TJP3: variants seen among roughly 807,000 people sequenced by gnomAD.
TJP3 encodes the protein tight junction protein 3.
A neutral mutation model predicts 104.2 loss-of-function variants in TJP3; 85 were observed. The ratio of observed to expected loss-of-function variants is 0.82; its 90% confidence interval spans 0.68 to 0.98. The LOEUF is 0.98. Ranked by LOEUF, TJP3 falls within the 50% of genes least tolerant of loss-of-function variation. The pLI is 0.00. For synonymous variants in TJP3, 550 were observed against 550.6 expected (o/e 1.00, Z 0.02); for missense variants, 1,367 against 1,322.8 (o/e 1.03, Z -0.52).
In TJP3 at chr19:3,747,724, G is replaced by A. The variant is rs984119329; in HGVS notation, c.2323-70G>A. 2.2e-5 allele frequency: 32 copies of A among 1,450,078 alleles called. No homozygotes were observed. In the Middle Eastern group the frequency reaches 7.6e-4, roughly 34 times the overall value. The allele number at this position is 1,450,078 out of a possible 1,614,324, so 89.8% of individuals were successfully genotyped here. A position where few individuals can be genotyped will look rare whatever the true frequency, so the allele number is the denominator to read the frequency against. On this transcript the variant is annotated intron_variant, in intron 18 of 20. Coordinates refer to ENST00000541714, the MANE Select transcript of TJP3 (RefSeq NM_001267560.2). ...TGATTTGGGACCAGAGTTTGAAGGT[G>A]GGGGGATGTCGTGGGTGGCAGCTGG...
At position 3,730,933 on chromosome 19, in the gene TJP3, G is replaced by A. The variant is rs1459625613; in HGVS notation, c.613+227G>A. 1.3e-5 allele frequency among the ~76,000 whole-genome samples: 2 copies of A among 152,094 alleles called. No homozygotes were observed. Among genetic ancestry groups the A allele is most frequent in the Non-Finnish European group, 2.9e-5 (2 of 68,012 alleles). ...TGACCTCAGGTGATTCACCCACCTC[G>A]GCCTCCCATAGTGCTTGCTGGGATT... On this transcript the variant is annotated intron_variant, in intron 5 of 20. Transcript: ENST00000541714. The surrounding 1 kb of genome is among the most constrained non-coding windows in gnomAD (Gnocchi z 7.3).
intron 19 of TJP3, among the ~76,000 whole-genome samples, chr19:3,748,460 C>T (rs777739999): frequency 1.2e-4 from 18 of 150,824 alleles, no homozygotes; most frequent in Non-Finnish European, 1.5e-4. Flanking sequence ...TTAGTAGAGA[C>T]GGGGTTTCAC....
At chr19:3,719,886 A>G (rs2036526704) in intron 1 of TJP3, among the ~76,000 whole-genome samples, 1 of 152,180 alleles carries the variant, frequency 6.6e-6, no homozygotes, top group Non-Finnish European at 1.5e-5. Flanking sequence ...TGATGGCCGC[A>G]AAAGGGAAGA....
intron 19 of TJP3, among the ~76,000 whole-genome samples, chr19:3,748,847 C>G (rs1480548829): frequency 8.6e-6 from 1 of 116,296 alleles, no homozygotes; most frequent in African/African-American, 3.3e-5. Context: ...CTGCACCCGG[C>G]CTTTTTTTTT....
chr19:3,716,796 TATATA>T (rs1476299077), intron 1 of TJP3, among the ~76,000 whole-genome samples: 2 of 66,156 alleles, frequency 3.0e-5, no homozygotes, highest in African/African-American at 4.9e-5. Flanking sequence ...TATATATATA[TATATA>T]TTTTTTTTTT....
At chr19:3,717,055 T>G (rs1172953368) in intron 1 of TJP3, among the ~76,000 whole-genome samples, 2 of 143,108 alleles carry the variant, frequency 1.4e-5, no homozygotes, top group African/African-American at 5.0e-5. Context: ...AACCTCCGCC[T>G]CCCGGGCTCA....
At position 3,747,897 on chromosome 19, in the gene TJP3, C is replaced by T. The variant is rs372401927; in HGVS notation, c.2426C>T (p.Thr809Met). The change falls in exon 19 of 21, where the codon ACG becomes ATG. Residue 809 changes from threonine (T) to methionine (M), a missense_variant. Transcript: ENST00000541714. Reference sequence around the variant, plus strand: ...AGCCGCGTTAACAGCGACTACGAGACGGACGGCGAGGGCGGCGCGTACACG... The same window carrying T: ...AGCCGCGTTAACAGCGACTACGAGATGGACGGCGAGGGCGGCGCGTACACG... Reference protein sequence around the residue: ...CDSRVNSDYETDGEGGAYTDG... With the variant: ...CDSRVNSDYEMDGEGGAYTDG... 2.1e-5 allele frequency: 34 copies of T among 1,613,120 alleles called. No homozygotes were observed. The highest frequency in any genetic ancestry group is 1.0e-4 in the Admixed American group (6 of 59,984).
Position 3,731,981 on chromosome 19 carries a change from A to G in TJP3, c.660A>G (p.Thr220=). The G allele has an allele frequency of 4.3e-6, 7 of 1,613,810 alleles. No homozygotes were observed. Among genetic ancestry groups the G allele is most frequent in the South Asian group, 1.1e-5 (1 of 91,018 alleles). The change falls in exon 6 of 21, where the codon ACA becomes ACG. Residue 220 remains threonine, a synonymous_variant. Coordinates refer to ENST00000541714, the MANE Select transcript of TJP3 (RefSeq NM_001267560.2). ...GTCAGATCTTCATCAAGCACATTAC[A>G]GATTCGGGCCTGGCTGCCCGGCACC... ...LGSQIFIKHI[T]DSGLAARHRG...
chr19:3,743,103 A>C (rs1388011172), intron 14 of TJP3, among the ~76,000 whole-genome samples: 1 of 152,000 alleles, frequency 6.6e-6, no homozygotes, highest in Non-Finnish European at 1.5e-5. Flanking sequence ...GTTTCTACTA[A>C]AAATACAAAA....
chr19:3,740,347 G>GT (rs2036796578), intron 13 of TJP3, among the ~76,000 whole-genome samples: 1 of 152,150 alleles, frequency 6.6e-6, no homozygotes, highest in Admixed American at 6.5e-5. Context: ...GGCAGAGGTT[G>GT]TAACGAGTCC....
Position 3,730,433 on chromosome 19 carries a change from G to A in TJP3, c.340G>A (p.Glu114Lys), listed in dbSNP as rs2036654118. The change falls in exon 5 of 21, where the codon GAA (glutamate) becomes AAA (lysine). Residue 114 changes from glutamate (E) to lysine (K), a missense_variant. By Grantham distance (56) the Glu-to-Lys change is moderately conservative. Transcript: ENST00000541714. The surrounding 1 kb of genome is among the most constrained non-coding windows in gnomAD (Gnocchi z 7.3). ...CAGCCCAGGGCGCCAGGACTCGGAT[G>A]AAGACGATGGGCCCCAGCGGGTGGA... ...PSSPGRQDSD[E>K]DDGPQRVEEV... 3 of 1,591,258 alleles carry A rather than the reference G, an allele frequency of 1.9e-6. No homozygotes were observed. Among genetic ancestry groups the A allele is most frequent in the East Asian group, 2.3e-5 (1 of 43,948 alleles).
intron 1 of TJP3, among the ~76,000 whole-genome samples, chr19:3,717,495 G>A (rs375690810): frequency 2.0e-4 from 30 of 151,328 alleles, no homozygotes; most frequent in African/African-American, 7.0e-4. Context: ...GAGTGCAGTG[G>A]CGTGATCTCA....
At chr19:3,745,131 G>GTTTTTTTTTTT (rs2036869010) in intron 15 of TJP3, among the ~76,000 whole-genome samples, 1 of 80,322 alleles carries the variant, frequency 1.2e-5, no homozygotes, top group African/African-American at 4.9e-5. Context: ...CAAATTTTAT[G>GTTTTTTTTTTT]TCTTTTTTTT....
intron 1 of TJP3, among the ~76,000 whole-genome samples, chr19:3,716,802 T>TA (rs1491300447): frequency 0.19 from 8,873 of 46,446 alleles, 389 homozygotes; most frequent in Middle Eastern, 0.27. Context: ...TATATATATA[T>TA]TTTTTTTTTT....
In TJP3 at chr19:3,735,891, T is replaced by G. The variant is rs1345335297; in HGVS notation, c.1083T>G (p.Tyr361Ter). 1.2e-6 allele frequency: 2 copies of G among 1,613,988 alleles called. No homozygotes were observed. Among genetic ancestry groups the G allele is most frequent in the Non-Finnish European group, 8.5e-7 (1 of 1,180,026 alleles). ...CAGAGTTGCCCAGGGAAAGCAGCTATGACATCTACAGAGTGCCCAGCAGTC... is the reference window on the plus strand; with the variant it reads ...CAGAGTTGCCCAGGGAAAGCAGCTAGGACATCTACAGAGTGCCCAGCAGTC... ...QRSELPRESS[Y>*]DIYRVPSSQS... The change falls in exon 10 of 21, where the codon TAT (tyrosine) becomes TAG (stop). Residue 361 changes from tyrosine to a stop codon, truncating the protein, a stop_gained. Coordinates refer to ENST00000541714, the MANE Select transcript of TJP3 (RefSeq NM_001267560.2). LOFTEE classifies it high-confidence loss of function.
At chr19:3,714,596 A>G (rs1448484943) in intron 1 of TJP3, among the ~76,000 whole-genome samples, 2 of 152,094 alleles carry the variant, frequency 1.3e-5, no homozygotes, top group Non-Finnish European at 2.9e-5. Context: ...ATAATTGAAT[A>G]ATCGCATATG....
intron 8 of TJP3, among the ~76,000 whole-genome samples, chr19:3,734,862 G>C (rs2036718747): frequency 6.6e-6 from 1 of 152,184 alleles, no homozygotes; most frequent in South Asian, 2.1e-4. Flanking sequence ...GCTGAGGCAG[G>C]AGAATCACTT....
intron 1 of TJP3, among the ~76,000 whole-genome samples, chr19:3,717,951 C>T (rs1313424919): frequency 6.7e-6 from 1 of 149,832 alleles, no homozygotes; most frequent in Non-Finnish European, 1.5e-5. Context: ...CACGATGGCT[C>T]ACGCCTATAA....
chr19:3,709,746 C>T (rs1456629313), intron 1 of TJP3, among the ~76,000 whole-genome samples: 3 of 152,038 alleles, frequency 2.0e-5, no homozygotes, highest in East Asian at 1.9e-4. Context: ...TGGGGGTGGG[C>T]GACATGGATC....
Sources: gnomAD v4.1 joint callset for allele counts (sites outside exome capture counted in the v4.1 genomes callset) on GRCh38, gnomAD v4.1.1 for gene constraint, Gnocchi (gnomAD v3.1) non-coding constraint, MANE v1.5 for transcripts, NCBI Gene and HGNC (gene_info 2026-07-23, HGNC 2026-07-21) for gene names.